CATSPERG: variants seen among roughly 807,000 people sequenced by gnomAD.
CATSPERG encodes the protein catsper channel auxiliary subunit gamma, also known as cation channel sperm-associated auxiliary subunit gamma.
In CATSPERG, 115 loss-of-function variants were observed where a neutral mutation model predicts 145.0. That is an observed-to-expected ratio of 0.79 (90% CI 0.68 to 0.93). CATSPERG has a LOEUF of 0.93. CATSPERG is among the 40% of genes least tolerant of loss of function. CATSPERG has a pLI of 0.00. For synonymous variants in CATSPERG, 588 were observed against 589.0 expected, an observed-to-expected ratio of 1.00 and a Z score of 0.02; for missense variants, 1,296 against 1,490.1, an observed-to-expected ratio of 0.87 and a Z score of 2.14.
intron 22 of CATSPERG, chr19:38,366,499 T>C (rs1970451364): frequency 6.6e-6 from 1 of 152,200 alleles, no homozygotes; most frequent in Non-Finnish European, 1.5e-5. Context: ...TTATGGGCCA[T>C]GGTATGTGAG....
intron 1 of CATSPERG, chr19:38,336,378 G>A: frequency 2.8e-6 from 1 of 355,688 alleles, no homozygotes; most frequent in South Asian, 2.0e-5. Flanking sequence ...GGGCCCGCGC[G>A]GGAAGAACCA....
At position 38,367,263 on chromosome 19, in the gene CATSPERG, T is replaced by C; in HGVS notation, c.2721T>C (p.Phe907=). 6.2e-7 allele frequency: 1 copy of C among 1,613,850 alleles called. No homozygotes were observed. The highest frequency in any genetic ancestry group is 8.5e-7 in the Non-Finnish European group (1 of 1,180,016). The stretch of plus-strand genomic sequence containing the variant: ...GCCGCCTGAAGAACAAACACTACTT[T>C]GACTGCGTTAACGTGAACCCGGAGA... ...EYSRLKNKHY[F]DCVNVNPEMP... The change falls in exon 23 of 29, where the codon TTT becomes TTC. Residue 907 remains phenylalanine, a synonymous_variant. Coordinates refer to ENST00000409235, the MANE Select transcript of CATSPERG (RefSeq NM_021185.5).
Position 38,360,765 on chromosome 19 carries a change from TG to T in CATSPERG, c.1804del (p.Val602SerfsTer11). ...VYLMNNQKGQ[L>X]VKRLVPVEQL... is the part of the protein sequence containing the mutation. ...CTTATGAACAACCAGAAGGGCCAGC[TG>T]GTCAAGAGGCTCGTGCCCGTGGAGC... On this transcript the variant is annotated frameshift_variant, in exon 16 of 29. Transcript: ENST00000409235. LOFTEE classifies it high-confidence loss of function. 6.2e-7 allele frequency: 1 copy of T among 1,614,090 alleles called. No individual in the cohort carries two copies.
intron 23 of CATSPERG, 85 bp downstream of exon 23, chr19:38,367,397 G>C (rs1301295462): frequency 6.4e-7 from 1 of 1,558,904 alleles, no homozygotes; most frequent in Admixed American, 1.7e-5. Context: ...TCCTCTCCCC[G>C]CAGACTACCC....
At chr19:38,351,126 C>G (rs1970131643) in intron 7 of CATSPERG, among the ~76,000 whole-genome samples, 1 of 152,204 alleles carries the variant, frequency 6.6e-6, no homozygotes, top group Non-Finnish European at 1.5e-5. Flanking sequence ...ATTCCTTCCA[C>G]TTGGTACAGC....
At chr19:38,364,703 C>G (rs1431056322) in intron 20 of CATSPERG, among the ~76,000 whole-genome samples, 188 bp from the exon 21 acceptor site, 1 of 152,254 alleles carries the variant, frequency 6.6e-6, no homozygotes, top group Non-Finnish European at 1.5e-5. Context: ...GCGGATCACT[C>G]GCGGTTAGGA....
At chr19:38,367,467 G>C in intron 23 of CATSPERG, 42 bp from the exon 24 acceptor site, 1 of 1,599,236 alleles carries the variant, frequency 6.3e-7, no homozygotes, top group Non-Finnish European at 8.6e-7. Flanking sequence ...CTCGGGCCAA[G>C]CTAATTTCTT....
intron 3 of CATSPERG, 28 bp from the exon 4 acceptor site, chr19:38,343,552 C>T: frequency 6.6e-7 from 1 of 1,524,884 alleles, no homozygotes; most frequent in Non-Finnish European, 8.8e-7. Flanking sequence ...ACCATAAGGA[C>T]ACACTTGTGG....
intron 14 of CATSPERG, chr19:38,360,201 T>C: frequency 3.0e-6 from 3 of 984,868 alleles, no homozygotes; most frequent in Non-Finnish European, 3.6e-6. Flanking sequence ...TTAGGGAGTG[T>C]GTGTGTTAGA....
rs761732467 is a variant in CATSPERG, at chr19:38,370,542, T to A, written c.3230T>A (p.Phe1077Tyr). Residue 1077 changes from phenylalanine (F) to tyrosine (Y), a missense_variant, in exon 29 of 29, where the codon TTT (phenylalanine) becomes TAT (tyrosine). Phe to Tyr is a conservative substitution (Grantham distance 22). Coordinates refer to ENST00000409235, the MANE Select transcript of CATSPERG (RefSeq NM_021185.5). ...TCCCTGCAGGTGTCAGCTAGCGTGT[T>A]TGTGGGCCTGGTGATCTTCTACATC... is the stretch of plus-strand genomic sequence containing the variant. ...LFIIMVSASV[F>Y]VGLVIFYIAF... 1 of 1,614,178 alleles carries A rather than the reference T, an allele frequency of 6.2e-7. No homozygotes were observed. Among genetic ancestry groups the A allele is most frequent in the South Asian group, 1.1e-5 (1 of 91,076 alleles).
Position 38,370,879 on chromosome 19 carries a change from CCT to C in CATSPERG, c.*92_*93del. Reference sequence around the variant, plus strand: ...GATGCAACCTGTCACCCAGCCCAGGCCTCTCTTTCTGTTTTGCTTGATGTTTA... The same window carrying C: ...GATGCAACCTGTCACCCAGCCCAGGCCTCTTTCTGTTTTGCTTGATGTTTA... On this transcript the variant is annotated 3_prime_UTR_variant, in exon 29 of 29. Transcript: ENST00000409235. 1 of 1,425,174 alleles carries C rather than the reference CCT, an allele frequency of 7.0e-7. No homozygotes were observed. The highest frequency in any genetic ancestry group is 1.2e-5 in the South Asian group (1 of 80,296). The allele number at this position is 1,425,174 out of a possible 1,614,324, so 88.3% of individuals were successfully genotyped here.
chr19:38,370,302 C>T, intron 28 of CATSPERG, 44 bp downstream of exon 28: 1 of 1,556,590 alleles, frequency 6.4e-7, no homozygotes, highest in Non-Finnish European at 8.8e-7. Context: ...GGGCAGGGGC[C>T]CACGCCTCCA....
intron 14 of CATSPERG, 88 bp from the exon 15 acceptor site, chr19:38,360,401 A>G: frequency 1.3e-6 from 2 of 1,554,570 alleles, no homozygotes; most frequent in Non-Finnish European, 1.7e-6. Context: ...CCCTCAAACA[A>G]TGGGGCCACC....
chr19:38,353,743 C>A (rs1326530499), intron 8 of CATSPERG, among the ~76,000 whole-genome samples: 1 of 149,662 alleles, frequency 6.7e-6, no homozygotes, highest in East Asian at 2.0e-4. Context: ...TGGCTCACGC[C>A]TGTAATCCCA....
chr19:38,370,874 C>T lies in CATSPERG; in HGVS notation c.*82C>T. On this transcript the variant is annotated 3_prime_UTR_variant, in exon 29 of 29. Transcript: ENST00000409235. ...TTGAAGATGCAACCTGTCACCCAGC[C>T]CAGGCCTCTCTTTCTGTTTTGCTTG... The T allele has an allele frequency of 6.9e-7, 1 of 1,441,502 alleles. No homozygotes were observed. The highest frequency in any genetic ancestry group is 9.6e-7 in the Non-Finnish European group (1 of 1,046,816). The allele number at this position is 1,441,502 out of a possible 1,614,324, so 89.3% of individuals were successfully genotyped here.
intron 11 of CATSPERG, among the ~76,000 whole-genome samples, chr19:38,357,721 G>T (rs1970270597): frequency 6.6e-6 from 1 of 152,216 alleles, no homozygotes; most frequent in Admixed American, 6.5e-5. Context: ...GGAGGCCGAG[G>T]CGGGGGGATC....
At chr19:38,368,442 C>A (rs1970493125) in intron 26 of CATSPERG, among the ~76,000 whole-genome samples, 1 of 152,234 alleles carries the variant, frequency 6.6e-6, no homozygotes, top group Non-Finnish European at 1.5e-5. Flanking sequence ...CCCTGAGCCC[C>A]CTACCTGTGC....
intron 7 of CATSPERG, among the ~76,000 whole-genome samples, chr19:38,350,399 C>T (rs556310269): frequency 2.4e-4 from 37 of 152,140 alleles, no homozygotes; most frequent in South Asian, 6.2e-4. Context: ...CTTTTTGAGA[C>T]GGAGTTTCGC....
Position 38,361,673 on chromosome 19 carries a change from G to T in CATSPERG, c.1906G>T (p.Asp636Tyr). The T allele has an allele frequency of 6.2e-7, 1 of 1,611,322 alleles. No individual in the cohort carries two copies. Among genetic ancestry groups the T allele is most frequent in the Non-Finnish European group, 8.5e-7 (1 of 1,179,826 alleles). ...GGGCTACTTGATGCTCTCCTTCATC[G>T]ACTTCTGCCCCTTCTCGGTGATGCG... is the stretch of plus-strand genomic sequence containing the variant. ...KGGYLMLSFI[D>Y]FCPFSVMRLR... The change falls in exon 17 of 29, where the codon GAC becomes TAC. Residue 636 changes from aspartate (D) to tyrosine (Y), a missense_variant. Coordinates refer to ENST00000409235, the MANE Select transcript of CATSPERG (RefSeq NM_021185.5).
Sources: allele counts gnomAD v4.1 joint callset (sites outside exome capture counted in the v4.1 genomes callset), GRCh38; gene constraint gnomAD v4.1.1; transcripts MANE v1.5; gene names NCBI Gene and HGNC (gene_info 2026-07-23, HGNC 2026-07-21).